Variants in RAB27B observed in about 807,000 individuals in gnomAD.
The protein encoded by RAB27B is RAB27B, member RAS oncogene family.
Under a neutral mutation model 24.6 loss-of-function variants are expected in RAB27B, and 15 were observed. The ratio of observed to expected loss-of-function variants is 0.61; its 90% confidence interval spans 0.41 to 0.94. RAB27B has a LOEUF of 0.94. RAB27B is among the 40% of genes least tolerant of loss of function. The probability of loss-of-function intolerance (pLI) is 0.00; values close to 1 mark genes in which losing one functional copy is unlikely to be tolerated. For synonymous variants in RAB27B, 105 were observed against 92.5 expected (o/e 1.14, Z -0.78); for missense variants, 261 against 266.8 (o/e 0.98, Z 0.15).
intron 2 of RAB27B, among the ~76,000 whole-genome samples, chr18:54,765,379 A>G (rs1908329015): frequency 6.6e-6 from 1 of 152,154 alleles, no homozygotes; most frequent in African/African-American, 2.4e-5. Context: ...ATTCCCAAGA[A>G]TAACATGTTT....
chr18:54,805,243 G>T (rs760577530), intron 2 of RAB27B, among the ~76,000 whole-genome samples: 1 of 152,120 alleles, frequency 6.6e-6, no homozygotes, highest in Non-Finnish European at 1.5e-5. Flanking sequence ...AAGTGCCAGG[G>T]ATGTAGCTGG....
intron 2 of RAB27B, among the ~76,000 whole-genome samples, chr18:54,766,842 T>C (rs1908378179): frequency 6.6e-6 from 1 of 152,170 alleles, no homozygotes; most frequent in African/African-American, 2.4e-5. Flanking sequence ...AATGGCTGCC[T>C]AGGGAATTTT....
At chr18:54,755,728 G>C (rs940790920) in intron 2 of RAB27B, among the ~76,000 whole-genome samples, 1 of 152,150 alleles carries the variant, frequency 6.6e-6, no homozygotes, top group Admixed American at 6.5e-5. Context: ...TTAACATTTA[G>C]TTTGAATTCC....
At chr18:54,744,489 GAA>G (rs1215275395) in intron 2 of RAB27B, among the ~76,000 whole-genome samples, 8 of 152,218 alleles carry the variant, frequency 5.3e-5, no homozygotes, top group Admixed American at 5.2e-4. Flanking sequence ...ATCTGAGGAA[GAA>G]AAATATTTCA....
chr18:54,876,701 T>A (rs1001168328), intron 1 of RAB27B, among the ~76,000 whole-genome samples: 1 of 152,124 alleles, frequency 6.6e-6, no homozygotes, highest in Admixed American at 6.5e-5. Context: ...ATGTTTTAAA[T>A]TAAAAAGGAA....
intron 1 of RAB27B, among the ~76,000 whole-genome samples, chr18:54,841,227 C>T (rs1032209972): frequency 6.7e-6 from 1 of 148,308 alleles, no homozygotes; most frequent in Non-Finnish European, 1.5e-5. Context: ...GTTCATTATC[C>T]ATAGATTTAG....
At chr18:54,843,550 A>T (rs1292078612) in intron 1 of RAB27B, among the ~76,000 whole-genome samples, 1 of 152,218 alleles carries the variant, frequency 6.6e-6, no homozygotes, top group African/African-American at 2.4e-5. Context: ...AACAACAACT[A>T]GCACGACATC....
chr18:54,893,349 A>G lies in RAB27B; in HGVS notation c.*3936A>G, dbSNP rs552466536. The G allele has an allele frequency of 5.9e-5, 9 of 152,170 alleles. No homozygotes were observed. The South Asian group carries it at 1.9e-3, about 32-fold the overall frequency. 9.4% of individuals were successfully genotyped at this position (152,170 alleles called of 1,614,324 possible). On this transcript the variant is annotated 3_prime_UTR_variant, in exon 6 of 6. Coordinates refer to ENST00000262094, the MANE Select transcript of RAB27B (RefSeq NM_004163.4). Reference sequence around the variant, plus strand: ...TAATAACTGTTTATAAAGAAGGTCTAAGAGCTGATATTTGCCAAAGTGATA... The same window carrying G: ...TAATAACTGTTTATAAAGAAGGTCTGAGAGCTGATATTTGCCAAAGTGATA...
chr18:54,736,335 A>G (rs973850405), intron 2 of RAB27B, among the ~76,000 whole-genome samples: 3 of 152,214 alleles, frequency 2.0e-5, no homozygotes, highest in Admixed American at 1.3e-4. Flanking sequence ...GAAATACAAC[A>G]TTATCTAATT....
chr18:54,756,531 G>A (rs1908011005), intron 2 of RAB27B, among the ~76,000 whole-genome samples: 1 of 152,040 alleles, frequency 6.6e-6, no homozygotes, highest in Admixed American at 6.6e-5. Context: ...AATTCAATGT[G>A]GAGAGTATAG....
chr18:54,866,631 G>A (rs543985042), intron 1 of RAB27B, among the ~76,000 whole-genome samples: 5 of 152,346 alleles, frequency 3.3e-5, no homozygotes, highest in African/African-American at 7.2e-5. Flanking sequence ...ACAGCCAGAT[G>A]CCTAGTTGTC....
At chr18:54,751,198 G>C (rs747343498) in intron 2 of RAB27B, among the ~76,000 whole-genome samples, 3 of 152,106 alleles carry the variant, frequency 2.0e-5, no homozygotes, top group African/African-American at 4.8e-5. Context: ...TCATATGAGA[G>C]GGGAGGGACA....
At chr18:54,728,923 A>G (rs1568044231) in intron 2 of RAB27B, among the ~76,000 whole-genome samples, 1 of 144,582 alleles carries the variant, frequency 6.9e-6, no homozygotes, top group African/African-American at 2.6e-5. Context: ...AAAAAAAAAA[A>G]CCACCACCAA....
intron 2 of RAB27B, among the ~76,000 whole-genome samples, chr18:54,751,508 A>G (rs992997104): frequency 2.6e-5 from 4 of 152,294 alleles, no homozygotes; most frequent in African/African-American, 7.2e-5. Flanking sequence ...ATGAGAAATT[A>G]AATAGACTTG....
chr18:54,861,818 C>G (rs1285326724), intron 1 of RAB27B, among the ~76,000 whole-genome samples: 1 of 152,056 alleles, frequency 6.6e-6, no homozygotes, highest in East Asian at 1.9e-4. Flanking sequence ...TTAGGAAAAC[C>G]CATTTTCCTG....
intron 2 of RAB27B, among the ~76,000 whole-genome samples, chr18:54,792,592 C>A (rs750945817): frequency 3.9e-5 from 6 of 152,042 alleles, no homozygotes; most frequent in African/African-American, 1.5e-4. Context: ...ATTGAATAGA[C>A]CCTGGTTTTC....
intron 1 of RAB27B, among the ~76,000 whole-genome samples, chr18:54,856,370 C>T (rs1442205564): frequency 6.6e-6 from 1 of 152,196 alleles, no homozygotes; most frequent in Non-Finnish European, 1.5e-5. Context: ...CTAGCCAGAG[C>T]CAGATCATGC....
intron 2 of RAB27B, among the ~76,000 whole-genome samples, chr18:54,822,190 A>G (rs1910332789): frequency 6.6e-6 from 1 of 152,228 alleles, no homozygotes; most frequent in South Asian, 2.1e-4. Context: ...TAAGGAAACA[A>G]TCATCAAATT....
intron 2 of RAB27B, among the ~76,000 whole-genome samples, chr18:54,724,846 T>G (rs774437458): frequency 1.3e-4 from 19 of 151,612 alleles, no homozygotes; most frequent in Non-Finnish European, 1.6e-4. Flanking sequence ...GTTTCAAACT[T>G]TTTCAAAGGA....
Sources: gnomAD v4.1 joint callset for allele counts (sites outside exome capture counted in the v4.1 genomes callset) on GRCh38, gnomAD v4.1.1 for gene constraint, MANE v1.5 for transcripts, NCBI Gene and HGNC (gene_info 2026-07-23, HGNC 2026-07-21) for gene names.